TCP11L1: variants seen among roughly 807,000 people sequenced by gnomAD.
The protein encoded by TCP11L1 is T-complex protein 11-like protein 1.
A neutral mutation model predicts 48.9 loss-of-function variants in TCP11L1; 28 were observed. The observed-to-expected ratio is 0.57, with a 90% CI of 0.42 to 0.78. The LOEUF (loss-of-function observed/expected upper bound fraction) is 0.78, where lower values mean the gene tolerates loss of function less well. Ranked by LOEUF, TCP11L1 falls within the 30% of genes least tolerant of loss-of-function variation. The probability of loss-of-function intolerance (pLI) is 0.00; values close to 1 mark genes in which losing one functional copy is unlikely to be tolerated. For synonymous variants in TCP11L1, 204 were observed against 231.9 expected (o/e 0.88, Z 1.09); for missense variants, 505 against 613.4 (o/e 0.82, Z 1.87).
At chr11:33,047,787 T>G (rs977718782) in intron 2 of TCP11L1, among the ~76,000 whole-genome samples, 11 of 152,214 alleles carry the variant, frequency 7.2e-5, no homozygotes, top group African/African-American at 2.7e-4. Flanking sequence ...GAAGACAAAT[T>G]AACAAGCAGT....
At chr11:33,050,459 T>C (rs1374179194) in intron 2 of TCP11L1, among the ~76,000 whole-genome samples, 1 of 152,160 alleles carries the variant, frequency 6.6e-6, no homozygotes, top group Admixed American at 6.5e-5. Flanking sequence ...GGAAGTTTCA[T>C]TTTCTGATAA....
chr11:33,056,546 G>T (rs1854313465), intron 3 of TCP11L1: 1 of 164,552 alleles, frequency 6.1e-6, no homozygotes, highest in Non-Finnish European at 1.3e-5. Context: ...ACTACATACT[G>T]AATTGTTATC....
chr11:33,042,698 C>T (rs544533592), intron 1 of TCP11L1, among the ~76,000 whole-genome samples: 4 of 152,166 alleles, frequency 2.6e-5, no homozygotes, highest in East Asian at 1.9e-4. Context: ...TTTGGGAGAC[C>T]GAGGCAGGTG....
At chr11:33,070,685 C>CA (rs1182483117) in intron 9 of TCP11L1, among the ~76,000 whole-genome samples, 3,901 of 71,280 alleles carry the variant, frequency 0.055, 104 homozygotes, top group Non-Finnish European at 0.063. Flanking sequence ...AAGTCTGTCT[C>CA]AAAAAAAAAA....
intron 6 of TCP11L1, among the ~76,000 whole-genome samples, chr11:33,059,702 C>T (rs1472163820): frequency 1.3e-5 from 2 of 152,194 alleles, no homozygotes; most frequent in East Asian, 3.8e-4. Context: ...TTCCATTTGG[C>T]CTCTAACTTT....
At chr11:33,049,928 A>C (rs1854109516) in intron 2 of TCP11L1, among the ~76,000 whole-genome samples, 1 of 152,260 alleles carries the variant, frequency 6.6e-6, no homozygotes, top group South Asian at 2.1e-4. Flanking sequence ...AGGCTATTGC[A>C]TGGGGAGAAA....
intron 6 of TCP11L1, among the ~76,000 whole-genome samples, 163 bp from the exon 7 acceptor site, chr11:33,061,367 G>A (rs896852098): frequency 1.1e-4 from 16 of 152,224 alleles, no homozygotes; most frequent in African/African-American, 3.9e-4. Context: ...AGATCCCTCA[G>A]TTAGTCATTG....
Position 33,068,771 on chromosome 11 carries a change from C to T in TCP11L1, c.1239C>T (p.Ser413=), listed in dbSNP as rs767711151. 1.2e-5 allele frequency: 19 copies of T among 1,614,014 alleles called. No individual in the cohort carries two copies. The Admixed American group carries it at 3.2e-4, about 27-fold the overall frequency. ...EVSSCLSLCG[S]SPFTTDKETV... is the part of the protein sequence containing the mutation. ...GCAGCTGCCTCTCCCTGTGTGGGTC[C>T]TCTCCCTTCACCACGGACAAGGAGA... Residue 413 remains serine (S), a synonymous_variant, in exon 9 of 10, where the codon TCC becomes TCT. Coordinates refer to ENST00000334274, the MANE Select transcript of TCP11L1 (RefSeq NM_018393.4).
intron 2 of TCP11L1, among the ~76,000 whole-genome samples, chr11:33,054,113 G>A (rs1471299692): frequency 2.0e-5 from 3 of 152,126 alleles, no homozygotes; most frequent in African/African-American, 7.2e-5. Flanking sequence ...ACTGTGCCTA[G>A]CCTTGATGCT....
intron 9 of TCP11L1, among the ~76,000 whole-genome samples, chr11:33,072,177 T>C (rs1564991043): frequency 6.6e-6 from 1 of 152,134 alleles, no homozygotes; most frequent in Non-Finnish European, 1.5e-5. Context: ...CCAAGTGTGT[T>C]TGAGCTTCTC....
intron 9 of TCP11L1, among the ~76,000 whole-genome samples, chr11:33,070,514 C>T (rs189464774): frequency 2.0e-4 from 30 of 151,892 alleles, no homozygotes; most frequent in African/African-American, 6.3e-4. Context: ...GTAGAAACTC[C>T]GCCTTTACTA....
chr11:33,061,682 C>G lies in TCP11L1; in HGVS notation c.928C>G (p.Leu310Val). The G allele has an allele frequency of 1.2e-6, 2 of 1,609,376 alleles. No homozygotes were observed. The highest frequency in any genetic ancestry group is 8.5e-7 in the Non-Finnish European group (1 of 1,177,352). The change falls in exon 7 of 10, where the codon CTG (leucine) becomes GTG (valine). Residue 310 changes from leucine (L) to valine (V), a missense_variant. This residue lies in a region of TCP11L1 where 335 missense variants were observed against 413.3 expected (regional missense o/e 0.81). Coordinates refer to ENST00000334274, the MANE Select transcript of TCP11L1 (RefSeq NM_018393.4). ...TGTTGCTGTCCAGAATTACGCTTAC[C>G]TGAAGCTTCTGAAGTGGGACCACCT... is the stretch of plus-strand genomic sequence containing the variant. ...SPVAVQNYAY[L>V]KLLKWDHLQR...
intron 8 of TCP11L1, among the ~76,000 whole-genome samples, chr11:33,068,202 C>T (rs72902993): frequency 0.028 from 4,272 of 152,246 alleles, 85 homozygotes; most frequent in Non-Finnish European, 0.042. Context: ...GGATTATAGG[C>T]GTGAGCCACT....
intron 9 of TCP11L1, among the ~76,000 whole-genome samples, chr11:33,070,891 A>G (rs996205757): frequency 6.6e-6 from 1 of 150,484 alleles, no homozygotes; most frequent in African/African-American, 2.5e-5. Context: ...AATCCCAGGT[A>G]CTCGGAAGGC....
At chr11:33,056,921 T>A (rs911045312) in intron 3 of TCP11L1, among the ~76,000 whole-genome samples, 194 bp from the exon 4 acceptor site, 1 of 152,232 alleles carries the variant, frequency 6.6e-6, no homozygotes, top group African/African-American at 2.4e-5. Flanking sequence ...TCCAATGAGA[T>A]GCTTATTGCA....
rs1287447546 is a variant in TCP11L1 at position 33,058,017 on chromosome 11, G to A, written c.516G>A (p.Gly172=). 7 of 1,614,000 alleles carry A rather than the reference G, an allele frequency of 4.3e-6. No homozygotes were observed. Among genetic ancestry groups the A allele is most frequent in the Non-Finnish European group, 5.9e-6 (7 of 1,180,038 alleles). Residue 172 remains glycine (G), a synonymous_variant, in exon 5 of 10, where the codon GGG becomes GGA. Transcript: ENST00000334274. ...LDLIKQEAEN[G]ALDISKLAEF... ...TGATAAAGCAGGAAGCAGAGAATGG[G>A]GCGCTAGACATTTCCAAGCTGGCAG...
At position 33,057,971 on chromosome 11, in the gene TCP11L1, C is replaced by T. The variant is rs1233579863; in HGVS notation, c.470C>T (p.Thr157Ile). Residue 157 changes from threonine (T) to isoleucine (I), a missense_variant, in exon 5 of 10, where the codon ACA becomes ATA. Physicochemically the swap from Thr to Ile is moderately conservative, Grantham distance 89 (BLOSUM62 -1). Transcript: ENST00000334274. The part of the protein sequence containing the change: ...PGHTRLRNQI[T>I]EVLDLDLIKQ... The stretch of plus-strand genomic sequence containing the variant: ...CATACTAGACTGAGAAACCAGATAA[C>T]AGAAGTCTTGGATCTGGATCTGATA... 2.5e-6 allele frequency: 4 copies of T among 1,613,976 alleles called. No homozygotes were observed. In the Admixed American group the frequency reaches 5.0e-5, roughly 20 times the overall value.
intron 7 of TCP11L1, 87 bp from the exon 8 acceptor site, chr11:33,065,743 A>T: frequency 7.0e-7 from 1 of 1,429,632 alleles, no homozygotes; most frequent in Non-Finnish European, 9.6e-7. Flanking sequence ...GAAGCTGCAG[A>T]GGCAGGTGTG....
chr11:33,066,624 C>G (rs1026578523), intron 8 of TCP11L1, among the ~76,000 whole-genome samples: 1 of 152,138 alleles, frequency 6.6e-6, no homozygotes, highest in African/African-American at 2.4e-5. Context: ...CTCATTTGTT[C>G]TCCCTACGCA....
Sources: allele counts gnomAD v4.1 joint callset (sites outside exome capture counted in the v4.1 genomes callset), GRCh38; gene constraint gnomAD v4.1.1; regional missense constraint gnomAD v4.1.1; transcripts MANE v1.5; gene names NCBI Gene and HGNC (gene_info 2026-07-23, HGNC 2026-07-21).